Variants in RBFOX1 observed in about 807,000 individuals in gnomAD.
The protein encoded by RBFOX1 is RNA binding fox-1 homolog 1.
A neutral mutation model predicts 57.7 loss-of-function variants in RBFOX1; 8 were observed. The observed-to-expected ratio is 0.14, with a 90% confidence interval of 0.08 to 0.25. The LOEUF is 0.25. Ranked by LOEUF, RBFOX1 falls within the 10% of genes least tolerant of loss-of-function variation. RBFOX1 has a pLI of 1.00. For missense variants in RBFOX1, 611 were observed against 548.5 expected (o/e 1.11, Z -1.14); for synonymous variants, 326 against 222.4 (o/e 1.47, Z -4.15).
intron 4 of RBFOX1, among the ~76,000 whole-genome samples, chr16:7,219,269 G>C (rs993799643): frequency 1.3e-5 from 2 of 152,160 alleles, no homozygotes; most frequent in Non-Finnish European, 2.9e-5. Context: ...CTTTCTTTTG[G>C]CATATTGTGC....
At chr16:6,189,623 G>T (rs2097129562) in intron 1 of RBFOX1, among the ~76,000 whole-genome samples, 1 of 152,182 alleles carries the variant, frequency 6.6e-6, no homozygotes, top group East Asian at 1.9e-4. Context: ...GATGCTATTG[G>T]AAGTAGCTAT....
At chr16:5,565,778 C>T (rs137882335) in intron 2 of RBFOX1, among the ~76,000 whole-genome samples, 110 of 152,160 alleles carry the variant, frequency 7.2e-4, no homozygotes, top group Non-Finnish European at 1.2e-3. Context: ...AGTAGCCAGT[C>T]TACTTGAGGC....
intron 3 of RBFOX1, among the ~76,000 whole-genome samples, chr16:5,694,194 C>G (rs771988123): frequency 6.6e-6 from 1 of 152,172 alleles, no homozygotes; most frequent in African/African-American, 2.4e-5. Context: ...TTTTTCACAG[C>G]CTAACTGGGG....
chr16:6,484,414 A>G (rs1478455731), intron 2 of RBFOX1, among the ~76,000 whole-genome samples: 3 of 151,822 alleles, frequency 2.0e-5, no homozygotes, highest in African/African-American at 4.8e-5. Context: ...TAAATTGACA[A>G]TACTGAACAC....
At chr16:6,131,655 CT>C (rs2096630574) in intron 1 of RBFOX1, among the ~76,000 whole-genome samples, 1 of 152,188 alleles carries the variant, frequency 6.6e-6, no homozygotes, top group South Asian at 2.1e-4. Flanking sequence ...AGTAGCTACT[CT>C]CTTTGGTCAT....
chr16:6,316,704 G>A (rs187143406), intron 1 of RBFOX1, among the ~76,000 whole-genome samples: 3 of 152,228 alleles, frequency 2.0e-5, no homozygotes, highest in East Asian at 1.9e-4. Context: ...CAGGCTTCAC[G>A]ATGTACATGC....
intron 3 of RBFOX1, among the ~76,000 whole-genome samples, chr16:5,742,560 C>T (rs986486558): frequency 3.3e-5 from 5 of 152,164 alleles, no homozygotes; most frequent in South Asian, 2.1e-4. Flanking sequence ...GCCATAAGAA[C>T]GTCTGGCACA....
chr16:5,881,742 G>T (rs1275268011), intron 4 of RBFOX1, among the ~76,000 whole-genome samples: 1 of 152,092 alleles, frequency 6.6e-6, no homozygotes, highest in Non-Finnish European at 1.5e-5. Flanking sequence ...TCCCCCCAAT[G>T]CTAGGTGGTA....
chr16:6,238,754 T>A (rs539693859), intron 1 of RBFOX1, among the ~76,000 whole-genome samples: 62 of 152,306 alleles, frequency 4.1e-4, no homozygotes, highest in Non-Finnish European at 5.7e-4. Context: ...ACTATTTTTT[T>A]AAAATGTTTT....
At chr16:6,388,179 G>T (rs1409846724) in intron 2 of RBFOX1, among the ~76,000 whole-genome samples, 2 of 152,060 alleles carry the variant, frequency 1.3e-5, no homozygotes, top group Admixed American at 1.3e-4. Flanking sequence ...TGTTAACCAG[G>T]ATGGTCTTGA....
chr16:5,293,956 C>T (rs568152458), intron 1 of RBFOX1, among the ~76,000 whole-genome samples: 16 of 152,316 alleles, frequency 1.1e-4, no homozygotes, highest in African/African-American at 3.8e-4. Context: ...CTGCCAGGAG[C>T]AATGGCTCAT....
chr16:7,036,418 G>T (rs2044442065), intron 3 of RBFOX1, among the ~76,000 whole-genome samples: 1 of 152,076 alleles, frequency 6.6e-6, no homozygotes, highest in Non-Finnish European at 1.5e-5. Flanking sequence ...CCTCAAGAAA[G>T]AATTCAGGGC....
chr16:6,498,405 A>T (rs572623173), intron 2 of RBFOX1, among the ~76,000 whole-genome samples: 1 of 152,320 alleles, frequency 6.6e-6, no homozygotes, highest in East Asian at 1.9e-4. Context: ...GAGGAACAAT[A>T]ATCAGGCTAT....
chr16:6,833,265 A>T (rs933517879), intron 3 of RBFOX1, among the ~76,000 whole-genome samples: 3 of 151,848 alleles, frequency 2.0e-5, no homozygotes, highest in Admixed American at 6.6e-5. Flanking sequence ...TCCCAGATTG[A>T]AGAGATTCTC....
intron 3 of RBFOX1, among the ~76,000 whole-genome samples, chr16:5,860,878 T>C: frequency 6.6e-6 from 1 of 152,210 alleles, no homozygotes; most frequent in East Asian, 1.9e-4. Flanking sequence ...ATGGTCGTTC[T>C]TCTGGGCTTA....
intron 2 of RBFOX1, among the ~76,000 whole-genome samples, chr16:6,376,916 G>C (rs2091246387): frequency 6.6e-6 from 1 of 151,908 alleles, no homozygotes. Context: ...TCTCTGGCTT[G>C]GGTATCACAT....
rs1162785126 is a variant in RBFOX1, at chr16:6,256,271, GTA to G, written c.-126-60714_-126-60713del. On this transcript the variant is annotated intron_variant, in intron 1 of 15. Coordinates refer to ENST00000550418, the MANE Select transcript of RBFOX1 (RefSeq NM_018723.4). ...TGTATATATATGTGTATATATATAT[GTA>G]TATATATATGTGTGTATATATATAT... Among the ~76,000 whole-genome samples the G allele has an allele frequency of 1.7e-4, 19 of 114,060 alleles. No homozygotes were observed. The East Asian group carries it at 2.1e-3, about 13-fold the overall frequency. The allele number at this position is 114,060 out of a possible 152,430, so 74.8% of individuals were successfully genotyped here. A position where few individuals can be genotyped will look rare whatever the true frequency, so the allele number is the denominator to read the frequency against.
At chr16:7,593,767 G>A (rs995081911) in intron 7 of RBFOX1, among the ~76,000 whole-genome samples, 4 of 152,032 alleles carry the variant, frequency 2.6e-5, no homozygotes, top group African/African-American at 7.2e-5. Context: ...GGGTGACTGT[G>A]GGACTTGGAA....
intron 3 of RBFOX1, among the ~76,000 whole-genome samples, chr16:6,872,735 T>C (rs966941370): frequency 1.3e-5 from 2 of 152,160 alleles, no homozygotes; most frequent in African/African-American, 4.8e-5. Flanking sequence ...ACCTGTGTTT[T>C]TTGTCCTTCA....
Sources: gnomAD v4.1 joint callset for allele counts (sites outside exome capture counted in the v4.1 genomes callset) on GRCh38, gnomAD v4.1.1 for gene constraint, MANE v1.5 for transcripts, NCBI Gene and HGNC (gene_info 2026-07-23, HGNC 2026-07-21) for gene names.